The following CCDC39 variants were observed in gnomAD, a reference collection of about 807,000 sequenced individuals.
CCDC39 encodes coiled-coil domain-containing protein 39.
In CCDC39, 113 loss-of-function variants were observed where a neutral mutation model predicts 121.0. The ratio of observed to expected loss-of-function variants is 0.93; its 90% confidence interval spans 0.80 to 1.09. The LOEUF is 1.09. CCDC39 is among the 50% of genes least tolerant of loss of function. CCDC39 has a pLI of 0.00. For missense variants in CCDC39, 1,063 were observed against 1,074.7 expected (o/e 0.99, Z 0.15); for synonymous variants, 349 against 352.2 (o/e 0.99, Z 0.10).
rs905321995 is a variant in CCDC39, at chr3:180,618,714, A to C, written c.2265+545T>G. 1.2e-4 allele frequency among the ~76,000 whole-genome samples: 18 copies of C among 152,224 alleles called. No individual in the cohort carries two copies. The South Asian group carries it at 1.7e-3, about 14-fold the overall frequency. On this transcript the variant is annotated intron_variant, in intron 16 of 19. Coordinates refer to ENST00000476379, the MANE Select transcript of CCDC39 (RefSeq NM_181426.2). ...AGAATGATGGTTTCCAGCTTCATCC[A>C]TGTCCCTACAAAGGATATGAACTCA...
chr3:180,618,160 T>G (rs552070011), intron 16 of CCDC39, among the ~76,000 whole-genome samples: 1 of 152,188 alleles, frequency 6.6e-6, no homozygotes, highest in Non-Finnish European at 1.5e-5. Flanking sequence ...TACACTCTTA[T>G]GATGTTCACA....
chr3:180,627,839 A>G (rs1282473318), intron 14 of CCDC39, among the ~76,000 whole-genome samples: 2 of 152,190 alleles, frequency 1.3e-5, no homozygotes, highest in East Asian at 3.9e-4. Context: ...CCCTTATAAG[A>G]AGATATGTTG....
chr3:180,640,201 AT>A (rs1230795814), intron 13 of CCDC39, among the ~76,000 whole-genome samples: 1 of 152,088 alleles, frequency 6.6e-6, no homozygotes, highest in African/African-American at 2.4e-5. Context: ...CACTTTAAAT[AT>A]GTGCAACTTA....
At chr3:180,617,364 T>A (rs1183839329) in intron 16 of CCDC39, 2 of 566,276 alleles carry the variant, frequency 3.5e-6, no homozygotes, top group Non-Finnish European at 6.3e-6. Context: ...TACAATATAC[T>A]TTTATTATTT....
In CCDC39 at chr3:180,665,425, A is replaced by G. The variant is rs528754557; in HGVS notation, c.91-1439T>C. On this transcript the variant is annotated intron_variant, in intron 1 of 19. Transcript: ENST00000476379. ...TCAGGGATATCTCCTGAGGGTACAC[A>G]ACACAATCCACGGAAGTGTGAAAGG... Among the ~76,000 whole-genome samples, 3 of 152,338 alleles carry G rather than the reference A, an allele frequency of 2.0e-5. No individual in the cohort carries two copies. In the South Asian group the frequency reaches 6.2e-4, roughly 32 times the overall value.
At chr3:180,630,492 G>C (rs1011812252) in intron 14 of CCDC39, among the ~76,000 whole-genome samples, 2 of 152,060 alleles carry the variant, frequency 1.3e-5, no homozygotes, top group African/African-American at 4.8e-5. Context: ...CAAAGGGAGA[G>C]AGCATCCACA....
At position 180,648,163 on chromosome 3, in the gene CCDC39, AC is replaced by A. The variant is rs768821075; in HGVS notation, c.1362+1del. 1 of 1,606,140 alleles carries A rather than the reference AC, an allele frequency of 6.2e-7. No individual in the cohort carries two copies. The highest frequency in any genetic ancestry group is 8.5e-7 in the Non-Finnish European group (1 of 1,173,814). ...GAAGATATTCATAAAAGTAACATCT[AC>A]CTGGCTGTACATAATTTCTTGCTGC... On this transcript the variant is annotated splice_donor_variant, in intron 10 of 19. Coordinates refer to ENST00000476379, the MANE Select transcript of CCDC39 (RefSeq NM_181426.2). LOFTEE classifies it high-confidence loss of function.
rs1303890465 is a variant in CCDC39 at position 180,644,158 on chromosome 3, A to T, written c.1627T>A (p.Ser543Thr). ...INELNLFIDRSEKELDKAKGF... is the reference protein window; with the variant it reads ...INELNLFIDRTEKELDKAKGF... Reference sequence around the variant, plus strand: ...TTGGCTTTATCAAGTTCTTTCTCTGATCTGTCGATGAAAAGGTTTAGTTCA... The same window carrying T: ...TTGGCTTTATCAAGTTCTTTCTCTGTTCTGTCGATGAAAAGGTTTAGTTCA... Residue 543 changes from serine (S) to threonine (T), a missense_variant, in exon 12 of 20, where the codon TCA becomes ACA. By Grantham distance (58) the Ser-to-Thr change is moderately conservative. Coordinates refer to ENST00000476379, the MANE Select transcript of CCDC39 (RefSeq NM_181426.2). 6.5e-7 allele frequency: 1 copy of T among 1,545,262 alleles called. No homozygotes were observed. The highest frequency in any genetic ancestry group is 1.4e-5 in the African/African-American group (1 of 72,832).
At chr3:180,657,359 T>C (rs2108427629) in intron 6 of CCDC39, among the ~76,000 whole-genome samples, 1 of 152,284 alleles carries the variant, frequency 6.6e-6, no homozygotes, top group East Asian at 1.9e-4. Context: ...ACTAGTTGTG[T>C]ATTCTGCCAA....
intron 13 of CCDC39, among the ~76,000 whole-genome samples, chr3:180,641,497 A>G (rs1188046631): frequency 6.6e-6 from 1 of 152,120 alleles, no homozygotes; most frequent in Non-Finnish European, 1.5e-5. Context: ...GAAATACAGT[A>G]TATAGAAAAT....
At chr3:180,626,574 C>T (rs547404608) in intron 14 of CCDC39, among the ~76,000 whole-genome samples, 1 of 152,290 alleles carries the variant, frequency 6.6e-6, no homozygotes, top group African/African-American at 2.4e-5. Flanking sequence ...TGCCTGGTCT[C>T]TTTTCTCCCT....
intron 12 of CCDC39, among the ~76,000 whole-genome samples, chr3:180,643,113 C>T (rs940803802): frequency 6.6e-6 from 1 of 151,998 alleles, no homozygotes; most frequent in Admixed American, 6.6e-5. Context: ...GCGCCCGCCA[C>T]CACGCCCGGC....
Position 180,651,368 on chromosome 3 carries a change from G to A in CCDC39, c.1167+33C>T, listed in dbSNP as rs750658424. ...TTAATTCACTGTTGCTAAATTTTCT[G>A]TGATTTAAAGAAAAATTAAAACTAA... On this transcript the variant is annotated intron_variant, in intron 9 of 19. Transcript: ENST00000476379. 2.0e-5 allele frequency: 31 copies of A among 1,521,792 alleles called. No individual in the cohort carries two copies. In the South Asian group the frequency reaches 2.5e-4, roughly 12 times the overall value. The allele number at this position is 1,521,792 out of a possible 1,614,324, so 94.3% of individuals were successfully genotyped here. A position where few individuals can be genotyped will look rare whatever the true frequency, so the allele number is the denominator to read the frequency against.
chr3:180,657,344 G>A (rs752690417), intron 6 of CCDC39, among the ~76,000 whole-genome samples: 2 of 152,150 alleles, frequency 1.3e-5, no homozygotes, highest in Non-Finnish European at 2.9e-5. Context: ...TGTGACCAGG[G>A]AGCTACTAGT....
intron 8 of CCDC39, among the ~76,000 whole-genome samples, 169 bp downstream of exon 8, chr3:180,651,994 G>A (rs563464445): frequency 3.0e-4 from 46 of 151,044 alleles, no homozygotes; most frequent in African/African-American, 8.7e-4. Flanking sequence ...CTGAGATCAC[G>A]CCACTGCACT....
chr3:180,617,592 G>T (rs1272036573), intron 16 of CCDC39: 2 of 434,626 alleles, frequency 4.6e-6, no homozygotes, highest in Non-Finnish European at 8.2e-6. Flanking sequence ...GTGTGTATGT[G>T]TCTTAGTTTT....
At chr3:180,633,589 GAGAT>G (rs1408379846) in intron 13 of CCDC39, among the ~76,000 whole-genome samples, 1 of 152,014 alleles carries the variant, frequency 6.6e-6, no homozygotes, top group Admixed American at 6.6e-5. Flanking sequence ...TAGGGAGAGA[GAGAT>G]AAAGAATATC....
intron 1 of CCDC39, among the ~76,000 whole-genome samples, chr3:180,673,080 G>A (rs762311666): frequency 3.9e-5 from 6 of 152,230 alleles, no homozygotes; most frequent in Non-Finnish European, 2.9e-5. Flanking sequence ...TTGAACAGAT[G>A]AGGAGTTGTC....
chr3:180,653,841 C>T lies in CCDC39; in HGVS notation c.930+921G>A, dbSNP rs149144656. On this transcript the variant is annotated intron_variant, in intron 7 of 19. Transcript: ENST00000476379. ...CATGTATTTGCATATAACCTATGTACAGCCTCCTGTATACTTTAAATAATC... is the reference window on the plus strand; with the variant it reads ...CATGTATTTGCATATAACCTATGTATAGCCTCCTGTATACTTTAAATAATC... Among the ~76,000 whole-genome samples the T allele has an allele frequency of 9.0e-3, 1,365 of 152,256 alleles. 12 individuals are homozygous for T. The highest frequency in any genetic ancestry group is 0.012 in the Non-Finnish European group (812 of 68,014).
Sources: gnomAD v4.1 joint callset for allele counts (sites outside exome capture counted in the v4.1 genomes callset) on GRCh38, gnomAD v4.1.1 for gene constraint, MANE v1.5 for transcripts, NCBI Gene and HGNC (gene_info 2026-07-23, HGNC 2026-07-21) for gene names.